CCDC144A: variants seen among roughly 807,000 people sequenced by gnomAD.
CCDC144A encodes coiled-coil domain-containing protein 144A.
Under a neutral mutation model 143.8 loss-of-function variants are expected in CCDC144A, and 41 were observed. The observed-to-expected ratio is 0.29, with a 90% CI of 0.22 to 0.37. The LOEUF (loss-of-function observed/expected upper bound fraction) is 0.37, where lower values mean the gene tolerates loss of function less well. CCDC144A is among the 10% of genes least tolerant of loss of function. The probability of loss-of-function intolerance (pLI) is 1.00; values close to 1 mark genes in which losing one functional copy is unlikely to be tolerated. For missense variants in CCDC144A, 637 were observed against 1,488.8 expected, an observed-to-expected ratio of 0.43 and a Z score of 9.41; for synonymous variants, 242 against 517.9, an observed-to-expected ratio of 0.47 and a Z score of 7.23.
At chr17:16,678,559 C>T in the CCDC144A span, among the ~76,000 whole-genome samples, 14 of 149,204 alleles carry the variant, frequency 9.4e-5, no homozygotes, top group African/African-American at 3.2e-4. Context: ...AATCTCTGTT[C>T]TTTCTTCTTT....
chr17:16,746,495 GTCT>G, intron 12 of CCDC144A: 1 of 1,613,574 alleles, frequency 6.2e-7, no homozygotes, highest in Non-Finnish European at 8.5e-7. Flanking sequence ...GTTGGCACTG[GTCT>G]TCTCTTCCTC....
intron 12 of CCDC144A, among the ~76,000 whole-genome samples, chr17:16,754,339 G>A (rs1480877198): frequency 6.6e-6 from 1 of 152,040 alleles, no homozygotes; most frequent in Non-Finnish European, 1.5e-5. Context: ...TTCTTCAGGT[G>A]TATTGTTAGG....
At chr17:16,769,109 TG>T (rs1364069124) in intron 15 of CCDC144A, among the ~76,000 whole-genome samples, 1 of 152,026 alleles carries the variant, frequency 6.6e-6, no homozygotes, top group Non-Finnish European at 1.5e-5. Context: ...GAGTTTTAAG[TG>T]GAGAAAACAA....
the CCDC144A span, among the ~76,000 whole-genome samples, chr17:16,667,458 G>T: frequency 6.6e-6 from 1 of 151,916 alleles, no homozygotes; most frequent in Non-Finnish European, 1.5e-5. Flanking sequence ...GTGGCTCAGG[G>T]GCTGACGCGG....
chr17:16,752,220 T>C (rs944254855), intron 12 of CCDC144A, among the ~76,000 whole-genome samples: 1 of 152,194 alleles, frequency 6.6e-6, no homozygotes, highest in Non-Finnish European at 1.5e-5. Flanking sequence ...GCGAGCCGTG[T>C]TGTGAACTGT....
At chr17:16,688,484 G>GTTTTTTT (rs66493875), upstream of CCDC144A, among the ~76,000 whole-genome samples, 286 of 71,616 alleles carry the variant, frequency 4.0e-3, 25 homozygotes, top group African/African-American at 0.014. Flanking sequence ...TTCTTTTTCT[G>GTTTTTTT]TTTTTTTTTT....
intron 12 of CCDC144A, among the ~76,000 whole-genome samples, chr17:16,747,550 A>C (rs1914594323): frequency 6.6e-6 from 1 of 151,650 alleles, no homozygotes; most frequent in Non-Finnish European, 1.5e-5. Context: ...ATTCATGAGC[A>C]TGGAATGTTT....
At chr17:16,690,132 G>A (rs1272195739), upstream of CCDC144A, 2 of 316,426 alleles carry the variant, frequency 6.3e-6, no homozygotes, top group South Asian at 1.5e-4. Flanking sequence ...AGGCCAAGGA[G>A]TCTTTTTCTG....
chr17:16,746,779 C>G, intron 12 of CCDC144A: 7 of 1,578,704 alleles, frequency 4.4e-6, no homozygotes, highest in Non-Finnish European at 6.1e-6. Flanking sequence ...AGCGCGCGGC[C>G]GTTCCCACCG....
chr17:16,700,705 T>C (rs1331584002), intron 2 of CCDC144A, among the ~76,000 whole-genome samples: 5 of 152,238 alleles, frequency 3.3e-5, no homozygotes, highest in African/African-American at 1.2e-4. Context: ...CTGGTTTCAG[T>C]TGCATCATTC....
At chr17:16,754,608 GT>G (rs1914985494) in intron 12 of CCDC144A, among the ~76,000 whole-genome samples, 1 of 152,088 alleles carries the variant, frequency 6.6e-6, no homozygotes, top group East Asian at 1.9e-4. Context: ...TTCCATTGTG[GT>G]TTGAGAAGAT....
chr17:16,676,043 C>T, the CCDC144A span, among the ~76,000 whole-genome samples: 3 of 151,974 alleles, frequency 2.0e-5, no homozygotes, highest in Non-Finnish European at 4.4e-5. Flanking sequence ...CCACTGCGCC[C>T]GGCCCACGCA....
At chr17:16,680,165 A>G in the CCDC144A span, among the ~76,000 whole-genome samples, 4 of 151,940 alleles carry the variant, frequency 2.6e-5, no homozygotes, top group Admixed American at 2.6e-4. Flanking sequence ...ATGGTGGCTC[A>G]TGCCTATAAT....
intron 8 of CCDC144A, among the ~76,000 whole-genome samples, chr17:16,722,201 T>G (rs1449382572): frequency 6.6e-6 from 1 of 152,192 alleles, no homozygotes. Flanking sequence ...GAGATGATCA[T>G]ATGGTTCTTT....
At chr17:16,669,599 A>G in the CCDC144A span, among the ~76,000 whole-genome samples, 1 of 152,194 alleles carries the variant, frequency 6.6e-6, no homozygotes, top group Non-Finnish European at 1.5e-5. Context: ...ACCACTACCC[A>G]CATGTGGCTT....
At chr17:16,712,135 A>G (rs1262253337) in intron 6 of CCDC144A, 1 of 231,036 alleles carries the variant, frequency 4.3e-6, no homozygotes, top group African/African-American at 2.3e-5. Flanking sequence ...CATTTCAAAA[A>G]AAAAAAGCAA....
chr17:16,677,130 T>C, the CCDC144A span, among the ~76,000 whole-genome samples: 2 of 151,992 alleles, frequency 1.3e-5, no homozygotes, highest in Admixed American at 6.6e-5. Context: ...CATGTCCTCT[T>C]CCTCTTTTGC....
the CCDC144A span, among the ~76,000 whole-genome samples, chr17:16,681,902 AAAATT>A: frequency 1.3e-5 from 2 of 152,004 alleles, no homozygotes; most frequent in Non-Finnish European, 2.9e-5. Flanking sequence ...GGAATTCTAA[AAAATT>A]GCATACTGTG....
intron 12 of CCDC144A, among the ~76,000 whole-genome samples, chr17:16,757,093 T>G (rs1223363167): frequency 1.3e-5 from 2 of 152,282 alleles, no homozygotes; most frequent in Non-Finnish European, 2.9e-5. Flanking sequence ...CTGAGTGGTC[T>G]GGCCCTTGGG....
Sources: allele counts gnomAD v4.1 joint callset (sites outside exome capture counted in the v4.1 genomes callset), GRCh38; gene constraint gnomAD v4.1.1; transcripts MANE v1.5; gene names NCBI Gene and HGNC (gene_info 2026-07-23, HGNC 2026-07-21).